PEX7: variants seen among roughly 807,000 people sequenced by gnomAD.
The protein encoded by PEX7 is peroxisomal biogenesis factor 7, also known as PTS2 receptor.
PEX7 carries 34 observed loss-of-function variants against 47.5 expected under a neutral mutation model. The observed-to-expected ratio is 0.72, with a 90% CI of 0.54 to 0.95. The LOEUF (loss-of-function observed/expected upper bound fraction) is 0.95, where lower values mean the gene tolerates loss of function less well. PEX7 is among the 40% of genes least tolerant of loss of function. PEX7 has a pLI of 0.00. For missense variants in PEX7, 394 were observed against 400.3 expected (o/e 0.98, Z 0.13); for synonymous variants, 141 against 148.8 (o/e 0.95, Z 0.38).
chr6:136,838,433 C>T (rs1168166249), intron 3 of PEX7, among the ~76,000 whole-genome samples: 1 of 152,088 alleles, frequency 6.6e-6, no homozygotes, highest in Non-Finnish European at 1.5e-5. Flanking sequence ...GGATGTGGGG[C>T]AGAAAGAGCA....
chr6:136,896,248 C>T (rs1399293218), intron 8 of PEX7, among the ~76,000 whole-genome samples: 1 of 152,140 alleles, frequency 6.6e-6, no homozygotes, highest in East Asian at 1.9e-4. Flanking sequence ...TTATGGTTTA[C>T]ATAAAGAATA....
intron 5 of PEX7, among the ~76,000 whole-genome samples, chr6:136,850,787 T>C (rs967057253): frequency 1.9e-4 from 29 of 152,048 alleles, no homozygotes; most frequent in Non-Finnish European, 1.3e-4. Flanking sequence ...GAATAAAAAT[T>C]GTATCATTGG....
chr6:136,854,830 T>G (rs1286177388), intron 5 of PEX7, among the ~76,000 whole-genome samples: 1 of 152,152 alleles, frequency 6.6e-6, no homozygotes, highest in Admixed American at 6.5e-5. Context: ...CTCACATCTG[T>G]AATCCCAGCA....
At chr6:136,844,790 T>C (rs1210897443) in intron 3 of PEX7, among the ~76,000 whole-genome samples, 1 of 152,146 alleles carries the variant, frequency 6.6e-6, no homozygotes, top group African/African-American at 2.4e-5. Context: ...TGGCTCAATA[T>C]AGTACTGGGC....
chr6:136,907,693 G>A (rs1055103296), intron 9 of PEX7, among the ~76,000 whole-genome samples: 1 of 152,078 alleles, frequency 6.6e-6, no homozygotes, highest in Admixed American at 6.5e-5. Flanking sequence ...TAATGAGTCA[G>A]TTGGAATTCC....
At chr6:136,857,185 A>G (rs1357632299) in intron 5 of PEX7, among the ~76,000 whole-genome samples, 2 of 152,214 alleles carry the variant, frequency 1.3e-5, no homozygotes, top group African/African-American at 4.8e-5. Context: ...GCTGTGTACC[A>G]TGCGTTTGTA....
Position 136,913,554 on chromosome 6 carries a change from G to C in PEX7, c.*28G>C. ...TACACTACTTTGGTCAGAAACAGAG[G>C]ATGTTGGCTGAAGAACTGCCTAACA... On this transcript the variant is annotated 3_prime_UTR_variant, in exon 10 of 10. Coordinates refer to ENST00000318471, the MANE Select transcript of PEX7 (RefSeq NM_000288.4). 6.9e-7 allele frequency: 1 copy of C among 1,452,080 alleles called. No individual in the cohort carries two copies. The highest frequency in any genetic ancestry group is 1.7e-5 in the Admixed American group (1 of 59,794). 89.9% of individuals were successfully genotyped at this position (1,452,080 alleles called of 1,614,324 possible). A position where few individuals can be genotyped will look rare whatever the true frequency, so the allele number is the denominator to read the frequency against.
intron 3 of PEX7, among the ~76,000 whole-genome samples, chr6:136,842,080 C>T (rs1774511097): frequency 6.6e-6 from 1 of 151,438 alleles, no homozygotes; most frequent in Admixed American, 6.6e-5. Context: ...CTCACTACAA[C>T]CTCCACCTCC....
chr6:136,896,239 T>C (rs1317964708), intron 8 of PEX7, among the ~76,000 whole-genome samples: 1 of 152,234 alleles, frequency 6.6e-6, no homozygotes, highest in Non-Finnish European at 1.5e-5. Flanking sequence ...AACCAGTTTT[T>C]ATGGTTTACA....
intron 9 of PEX7, among the ~76,000 whole-genome samples, chr6:136,899,440 C>T (rs1364137283): frequency 1.3e-5 from 2 of 152,056 alleles, no homozygotes; most frequent in East Asian, 1.9e-4. Flanking sequence ...GATGGGGTTT[C>T]GCCATGTTGA....
At chr6:136,858,017 T>C (rs1365974614) in intron 5 of PEX7, among the ~76,000 whole-genome samples, 1 of 152,176 alleles carries the variant, frequency 6.6e-6, no homozygotes, top group South Asian at 2.1e-4. Context: ...GGTTTCACCA[T>C]GTTGCCCAGG....
At chr6:136,892,020 A>G (rs764275882) in intron 8 of PEX7, among the ~76,000 whole-genome samples, 3 of 152,216 alleles carry the variant, frequency 2.0e-5, no homozygotes, top group Non-Finnish European at 4.4e-5. Flanking sequence ...TTGCAAAAGG[A>G]TGGAAATCTG....
At chr6:136,870,518 A>G (rs1486353806) in intron 7 of PEX7, among the ~76,000 whole-genome samples, 1 of 152,220 alleles carries the variant, frequency 6.6e-6, no homozygotes, top group Non-Finnish European at 1.5e-5. Context: ...TATCTGGGTT[A>G]TAAGATGACT....
chr6:136,828,770 A>G (rs1244064816), intron 3 of PEX7, among the ~76,000 whole-genome samples: 1 of 152,220 alleles, frequency 6.6e-6, no homozygotes, highest in African/African-American at 2.4e-5. Context: ...CCTAGCTCTA[A>G]TAATATTACC....
intron 7 of PEX7, among the ~76,000 whole-genome samples, chr6:136,871,153 A>G (rs975881046): frequency 6.6e-6 from 1 of 152,226 alleles, no homozygotes; most frequent in Non-Finnish European, 1.5e-5. Flanking sequence ...TTTTAGAGTG[A>G]TTATGAGAAT....
At chr6:136,906,118 A>G (rs1446997069) in intron 9 of PEX7, among the ~76,000 whole-genome samples, 10 of 152,316 alleles carry the variant, frequency 6.6e-5, no homozygotes, top group Non-Finnish European at 1.3e-4. Context: ...GGTTTCCATA[A>G]TGCAAATCTG....
Position 136,847,780 on chromosome 6 carries a change from A to T in PEX7, c.526+1599A>T, listed in dbSNP as rs545981888. Among the ~76,000 whole-genome samples the T allele has an allele frequency of 1.6e-4, 24 of 152,302 alleles. No homozygotes were observed. In the South Asian group the frequency reaches 5.0e-3, roughly 32 times the overall value. On this transcript the variant is annotated intron_variant, in intron 5 of 9. Coordinates refer to ENST00000318471, the MANE Select transcript of PEX7 (RefSeq NM_000288.4). ...GTATAGTTTGAAGTCAGGTAGCTTG[A>T]TGCCTCCAGCTTTGTTCTTTTGGCC...
At chr6:136,885,000 C>T (rs992143848) in intron 8 of PEX7, among the ~76,000 whole-genome samples, 5 of 152,164 alleles carry the variant, frequency 3.3e-5, no homozygotes, top group Non-Finnish European at 1.5e-5. Context: ...TAGTTAACTT[C>T]TCTTCCTGCC....
intron 5 of PEX7, among the ~76,000 whole-genome samples, chr6:136,860,004 C>T (rs1193749100): frequency 6.7e-6 from 1 of 149,952 alleles, no homozygotes; most frequent in Non-Finnish European, 1.5e-5. Flanking sequence ...CAGAGTTAGA[C>T]TCTGTCTCAG....
Sources: gnomAD v4.1 joint callset for allele counts (sites outside exome capture counted in the v4.1 genomes callset) on GRCh38, gnomAD v4.1.1 for gene constraint, MANE v1.5 for transcripts, NCBI Gene and HGNC (gene_info 2026-07-23, HGNC 2026-07-21) for gene names.